The following NWD2 variants were observed in gnomAD, a reference collection of about 807,000 sequenced individuals.
NWD2 encodes the protein NACHT and WD repeat domain containing 2, also known as NACHT and WD repeat domain-containing protein 2.
Under a neutral mutation model 132.7 loss-of-function variants are expected in NWD2, and 37 were observed. The observed-to-expected ratio is 0.28, with a 90% CI of 0.21 to 0.37. The LOEUF (loss-of-function observed/expected upper bound fraction) is 0.37, where lower values mean the gene tolerates loss of function less well. NWD2 is among the 10% of genes least tolerant of loss of function. The pLI is 1.00. For synonymous variants in NWD2, 705 were observed against 803.0 expected, an observed-to-expected ratio of 0.88 and a Z score of 2.06; for missense variants, 1,592 against 2,122.4, an observed-to-expected ratio of 0.75 and a Z score of 4.91.
At chr4:37,312,010 C>A (rs2109281357) in intron 1 of NWD2, among the ~76,000 whole-genome samples, 1 of 152,102 alleles carries the variant, frequency 6.6e-6, no homozygotes, top group African/African-American at 2.4e-5. Flanking sequence ...GTACCAGGAC[C>A]ATGCTGTTTT....
chr4:37,387,784 C>T (rs1164839980), intron 3 of NWD2, among the ~76,000 whole-genome samples: 1 of 150,698 alleles, frequency 6.6e-6, no homozygotes, highest in Non-Finnish European at 1.5e-5. Context: ...AAGCGATTCT[C>T]CCGCCTCAGC....
intron 1 of NWD2, among the ~76,000 whole-genome samples, chr4:37,287,453 G>A (rs1443658398): frequency 1.3e-5 from 2 of 152,206 alleles, no homozygotes; most frequent in African/African-American, 2.4e-5. Flanking sequence ...CTTTTACCCT[G>A]CTGGAGCCAG....
intron 4 of NWD2, among the ~76,000 whole-genome samples, chr4:37,432,299 T>C (rs1577700976): frequency 6.7e-6 from 1 of 149,818 alleles, no homozygotes; most frequent in African/African-American, 2.5e-5. Context: ...ACCCCAATAT[T>C]CCCACCCAGA....
At chr4:37,284,578 C>T (rs1005023110) in intron 1 of NWD2, among the ~76,000 whole-genome samples, 2 of 152,158 alleles carry the variant, frequency 1.3e-5, no homozygotes, top group Non-Finnish European at 2.9e-5. Context: ...TAGGGTGACA[C>T]CATGTATCTA....
chr4:37,447,228 T>C lies in NWD2; in HGVS notation c.*11T>C. Reference sequence around the variant, plus strand: ...GCCCCTGATAACTGACAAAATGTTTTCCAGCTAAGCAGAAATATGTGATCC... The same window carrying C: ...GCCCCTGATAACTGACAAAATGTTTCCCAGCTAAGCAGAAATATGTGATCC... On this transcript the variant is annotated 3_prime_UTR_variant, in exon 7 of 7. Transcript: ENST00000309447. 2.1e-5 allele frequency: 32 copies of C among 1,535,300 alleles called. No homozygotes were observed. The highest frequency in any genetic ancestry group is 2.8e-5 in the Non-Finnish European group (32 of 1,136,662).
intron 1 of NWD2, among the ~76,000 whole-genome samples, chr4:37,264,192 A>T (rs1776570): frequency 1.3e-5 from 2 of 151,942 alleles, no homozygotes; most frequent in Admixed American, 6.6e-5. Flanking sequence ...ATTCAGATGT[A>T]ATGGTTTTCT....
At chr4:37,398,594 C>G (rs1435607733) in intron 3 of NWD2, among the ~76,000 whole-genome samples, 1 of 152,204 alleles carries the variant, frequency 6.6e-6, no homozygotes, top group Non-Finnish European at 1.5e-5. Context: ...TCCCAGAAGT[C>G]TGCATTCAAA....
intron 3 of NWD2, among the ~76,000 whole-genome samples, chr4:37,368,242 A>G (rs1033889457): frequency 4.6e-5 from 7 of 152,230 alleles, no homozygotes; most frequent in African/African-American, 1.4e-4. Context: ...TGAAAATGCC[A>G]TAAGTGCAAA....
At chr4:37,420,313 C>A (rs1047468367) in intron 3 of NWD2, among the ~76,000 whole-genome samples, 5 of 152,150 alleles carry the variant, frequency 3.3e-5, no homozygotes, top group African/African-American at 1.2e-4. Context: ...GGTTGGTGAT[C>A]CTCAACTCCA....
At chr4:37,342,277 G>A (rs1034971819) in intron 2 of NWD2, among the ~76,000 whole-genome samples, 1 of 151,872 alleles carries the variant, frequency 6.6e-6, no homozygotes, top group Non-Finnish European at 1.5e-5. Flanking sequence ...TCTCTCTCTT[G>A]CTCCCTCTCT....
At chr4:37,259,610 A>G (rs1717588816) in intron 1 of NWD2, among the ~76,000 whole-genome samples, 2 of 152,138 alleles carry the variant, frequency 1.3e-5, no homozygotes, top group East Asian at 1.9e-4. Flanking sequence ...CCATCTGTCA[A>G]TATACCAACC....
At chr4:37,399,464 A>G (rs1267020445) in intron 3 of NWD2, among the ~76,000 whole-genome samples, 1 of 152,230 alleles carries the variant, frequency 6.6e-6, no homozygotes, top group Admixed American at 6.5e-5. Context: ...CATATCTTAA[A>G]GTTACTACTT....
At chr4:37,358,308 A>G (rs1247094330) in intron 3 of NWD2, among the ~76,000 whole-genome samples, 4 of 152,056 alleles carry the variant, frequency 2.6e-5, no homozygotes, top group African/African-American at 9.7e-5. Context: ...GCAGACCTTT[A>G]GAGAGCTACT....
rs1324403247 is a variant in NWD2 at position 37,244,867 on chromosome 4, C to G, written c.-201C>G. ...GGCAGGAGACCGCCGCGACAGGAGC[C>G]CGAGGGTCCGTATGGCTTCTCCTCG... On this transcript the variant is annotated 5_prime_UTR_variant, in exon 1 of 7. Transcript: ENST00000309447. The surrounding 1 kb of genome is among the most constrained non-coding windows in gnomAD (Gnocchi z 5.5). 1.6e-6 allele frequency: 1 copy of G among 612,580 alleles called. No homozygotes were observed. The highest frequency in any genetic ancestry group is 2.7e-6 in the Non-Finnish European group (1 of 368,298). 37.9% of individuals were successfully genotyped at this position (612,580 alleles called of 1,614,324 possible).
At chr4:37,277,107 A>T (rs1718035847) in intron 1 of NWD2, among the ~76,000 whole-genome samples, 1 of 149,476 alleles carries the variant, frequency 6.7e-6, no homozygotes, top group African/African-American at 2.5e-5. Flanking sequence ...CATTGTGCAC[A>T]TGTACCCTAA....
chr4:37,437,781 ATTAT>A (rs1296744417), intron 5 of NWD2, among the ~76,000 whole-genome samples: 1 of 152,152 alleles, frequency 6.6e-6, no homozygotes, highest in East Asian at 1.9e-4. Context: ...GGGGACACAA[ATTAT>A]TTATAATATA....
chr4:37,338,319 G>A (rs373745044), intron 2 of NWD2, among the ~76,000 whole-genome samples: 1 of 152,242 alleles, frequency 6.6e-6, no homozygotes, highest in East Asian at 1.9e-4. Context: ...CTGGGCCCAA[G>A]AGCTCCATTT....
intron 3 of NWD2, among the ~76,000 whole-genome samples, chr4:37,361,418 T>C (rs1477311652): frequency 6.6e-6 from 1 of 151,972 alleles, no homozygotes; most frequent in Non-Finnish European, 1.5e-5. Context: ...CTGGTGAACA[T>C]AGATGCAAAA....
chr4:37,409,689 C>T (rs1721117053), intron 3 of NWD2, among the ~76,000 whole-genome samples: 1 of 152,122 alleles, frequency 6.6e-6, no homozygotes, highest in East Asian at 1.9e-4. Context: ...AGAGCAACCC[C>T]AAGACACATA....
Sources: allele counts gnomAD v4.1 joint callset (sites outside exome capture counted in the v4.1 genomes callset), GRCh38; gene constraint gnomAD v4.1.1; non-coding constraint Gnocchi (gnomAD v3.1); transcripts MANE v1.5; gene names NCBI Gene and HGNC (gene_info 2026-07-23, HGNC 2026-07-21).